The following PER2 variants were observed in gnomAD, a reference collection of about 807,000 sequenced individuals.
PER2 encodes the protein period circadian protein homolog 2.
PER2 carries 66 observed loss-of-function variants against 121.0 expected under a neutral mutation model. The ratio of observed to expected loss-of-function variants is 0.55; its 90% CI spans 0.45 to 0.67. The LOEUF (loss-of-function observed/expected upper bound fraction) is 0.67, where lower values mean the gene tolerates loss of function less well. Ranked by LOEUF, PER2 falls within the 30% of genes least tolerant of loss-of-function variation. PER2 has a pLI of 0.00. For synonymous variants in PER2, 684 were observed against 659.9 expected (o/e 1.04, Z -0.56); for missense variants, 1,521 against 1,635.0 (o/e 0.93, Z 1.20).
At chr2:238,248,661 T>C (rs1695510848) in intron 22 of PER2, among the ~76,000 whole-genome samples, 1 of 150,920 alleles carries the variant, frequency 6.6e-6, no homozygotes, top group African/African-American at 2.4e-5. Context: ...TAGAAATTTT[T>C]TTTTTTTTTT....
intron 4 of PER2, among the ~76,000 whole-genome samples, chr2:238,274,125 A>C (rs1696379320): frequency 6.6e-6 from 1 of 152,244 alleles, no homozygotes; most frequent in Non-Finnish European, 1.5e-5. Flanking sequence ...ATTTGAAAGA[A>C]AGTTTTCAAA....
intron 21 of PER2, 81 bp downstream of exon 21, chr2:238,250,470 G>A: frequency 1.0e-6 from 1 of 999,186 alleles, no homozygotes; most frequent in Admixed American, 1.9e-5. Context: ...CGCCCCATCT[G>A]AATGACCTTG....
chr2:238,277,722 G>T lies in PER2; in HGVS notation c.215C>A (p.Pro72Gln), dbSNP rs142033533. The T allele has an allele frequency of 6.2e-7, 1 of 1,614,124 alleles. No homozygotes were observed. Among genetic ancestry groups the T allele is most frequent in the Non-Finnish European group, 8.5e-7 (1 of 1,180,016 alleles). The part of the protein sequence containing the change: ...GKELGMLVEP[P>Q]DARQSPDTFS... ...CTGAACTCACCTCTGGCGGGCATCC[G>T]GTGGCTCCACCAGCATCCCCAGCTC... Residue 72 changes from proline (P) to glutamine (Q), a missense_variant, in exon 2 of 23, where the codon CCG becomes CAG. By Grantham distance (76) the Pro-to-Gln change is moderately conservative. Transcript: ENST00000254657.
chr2:238,260,439 A>G (rs1039872635), intron 13 of PER2, among the ~76,000 whole-genome samples: 1 of 152,066 alleles, frequency 6.6e-6, no homozygotes, highest in Non-Finnish European at 1.5e-5. Context: ...TATTTTTAGT[A>G]GAGACGGGGT....
intron 1 of PER2, among the ~76,000 whole-genome samples, chr2:238,279,620 G>A (rs1468880505): frequency 6.6e-6 from 1 of 152,208 alleles, no homozygotes; most frequent in African/African-American, 2.4e-5. Context: ...AACAAAGGGA[G>A]AGAAGGGTTT....
chr2:238,246,550 A>G (rs770815333), intron 22 of PER2, 26 bp from the exon 23 acceptor site: 1 of 1,509,310 alleles, frequency 6.6e-7, no homozygotes, highest in Non-Finnish European at 9.2e-7. Context: ...AAGAGAAATC[A>G]GTAACAAACT....
intron 4 of PER2, among the ~76,000 whole-genome samples, chr2:238,274,533 T>C (rs1299145537): frequency 6.6e-6 from 1 of 152,226 alleles, no homozygotes; most frequent in African/African-American, 2.4e-5. Flanking sequence ...AAAATGTCCA[T>C]GTGGCAGAGC....
At position 238,277,696 on chromosome 2, in the gene PER2, G is replaced by T. The variant is rs77542681; in HGVS notation, c.230+11C>A. ...CTGCCCAGCCTCCATCTGGCCAGAGGCTGAACTCACCTCTGGCGGGCATCC... is the reference window on the plus strand; with the variant it reads ...CTGCCCAGCCTCCATCTGGCCAGAGTCTGAACTCACCTCTGGCGGGCATCC... On this transcript the variant is annotated intron_variant, in intron 2 of 22. Transcript: ENST00000254657. 3,093 of 1,613,940 alleles carry T rather than the reference G, an allele frequency of 1.9e-3. 10 individuals are homozygous for T. Among genetic ancestry groups the T allele is most frequent in the Non-Finnish European group, 2.2e-3 (2,600 of 1,179,998 alleles).
In PER2 at chr2:238,260,842, G is replaced by C; in HGVS notation, c.1528C>G (p.Arg510Gly). The change falls in exon 13 of 23, where the codon CGC (arginine) becomes GGC (glycine). Residue 510 changes from arginine to glycine, a missense_variant. By Grantham distance (125) the Arg-to-Gly change is moderately radical (BLOSUM62 -2). Coordinates refer to ENST00000254657, the MANE Select transcript of PER2 (RefSeq NM_022817.3). Reference protein sequence around the residue: ...SSDSNGHEDSRRRRAEICKNG... With the variant: ...SSDSNGHEDSGRRRAEICKNG... ...AGGAGACGTACGGCTCTCCTCCGGC[G>C]TGAGTCCTCATGGCCGTTGCTGTCG... 2 of 1,614,132 alleles carry C rather than the reference G, an allele frequency of 1.2e-6. No individual in the cohort carries two copies. Among genetic ancestry groups the C allele is most frequent in the Non-Finnish European group, 1.7e-6 (2 of 1,180,016 alleles).
Position 238,253,651 on chromosome 2 carries a change from G to GC in PER2, c.2371_2372insG (p.Thr791SerfsTer19). 12 of 1,609,156 alleles carry GC rather than the reference G, an allele frequency of 7.5e-6. No individual in the cohort carries two copies. Among genetic ancestry groups the GC allele is most frequent in the Non-Finnish European group, 1.0e-5 (12 of 1,177,492 alleles). On this transcript the variant is annotated frameshift_variant, in exon 19 of 23. Transcript: ENST00000254657. LOFTEE classifies it high-confidence loss of function. The surrounding 1 kb of genome is among the most constrained non-coding windows in gnomAD (Gnocchi z 5.6). ...GGACTTCAATTTTCTGTTCTTTCCTGTTTTTTTCCAAGGTGAATCTATTCC... is the reference window on the plus strand; with the variant it reads ...GGACTTCAATTTTCTGTTCTTTCCTGCTTTTTTTCCAAGGTGAATCTATTCC...
At chr2:238,283,147 AAGG>A (rs999068065) in intron 1 of PER2, among the ~76,000 whole-genome samples, 1 of 152,216 alleles carries the variant, frequency 6.6e-6, no homozygotes, top group African/African-American at 2.4e-5. Flanking sequence ...GACAGGAGGC[AAGG>A]AGGAGCTGGC....
At chr2:238,257,140 C>G in intron 16 of PER2, 54 bp from the exon 17 acceptor site, 2 of 1,551,432 alleles carry the variant, frequency 1.3e-6, no homozygotes, top group Non-Finnish European at 1.8e-6. Context: ...ATGCACTGTG[C>G]AGATGAGAAA....
At chr2:238,279,182 A>C (rs1696552733) in intron 1 of PER2, among the ~76,000 whole-genome samples, 1 of 152,258 alleles carries the variant, frequency 6.6e-6, no homozygotes, top group African/African-American at 2.4e-5. Context: ...CCCAGCAGGA[A>C]GCAGGCACCC....
At position 238,260,056 on chromosome 2, in the gene PER2, T is replaced by G. The variant is rs745916707; in HGVS notation, c.1543-3A>C. 1 of 1,354,322 alleles carries G rather than the reference T, an allele frequency of 7.4e-7. No individual in the cohort carries two copies. Among genetic ancestry groups the G allele is most frequent in the African/African-American group, 1.4e-5 (1 of 69,986 alleles). 83.9% of individuals were successfully genotyped at this position (1,354,322 alleles called of 1,614,324 possible). ...TTGTTACCATTTTTACAAATTTCCT[T>G]GAAGAAAAACAAAATGAACACATTA... On this transcript the variant is annotated splice_polypyrimidine_tract_variant and splice_region_variant and intron_variant, in intron 13 of 22. Coordinates refer to ENST00000254657, the MANE Select transcript of PER2 (RefSeq NM_022817.3).
chr2:238,270,106 T>C (rs923363733), intron 6 of PER2, among the ~76,000 whole-genome samples: 2 of 152,252 alleles, frequency 1.3e-5, no homozygotes, highest in African/African-American at 4.8e-5. Flanking sequence ...AAACCGAATT[T>C]GTCAGCCTCT....
At chr2:238,261,554 G>T in intron 12 of PER2, 175 bp downstream of exon 12, 1 of 652,330 alleles carries the variant, frequency 1.5e-6, no homozygotes, top group South Asian at 1.7e-5. Context: ...AGGGTACTAT[G>T]GACTGTCTCG....
upstream of PER2, among the ~76,000 whole-genome samples, chr2:238,294,373 C>T (rs986984644): frequency 1.3e-5 from 2 of 152,188 alleles, no homozygotes; most frequent in African/African-American, 4.8e-5. Context: ...CTTGCATGCT[C>T]TGGGGACCAA....
chr2:238,258,795 G>A (rs1695839926), intron 14 of PER2, 151 bp from the exon 15 acceptor site: 1 of 816,594 alleles, frequency 1.2e-6, no homozygotes, highest in South Asian at 1.5e-5. Flanking sequence ...CCTGGCATCT[G>A]GCAGCCCTGT....
At chr2:238,263,409 A>G (rs942666360) in intron 9 of PER2, among the ~76,000 whole-genome samples, 11 of 152,060 alleles carry the variant, frequency 7.2e-5, no homozygotes, top group African/African-American at 2.7e-4. Context: ...GTGACCTGGC[A>G]TGGATTTTTG....
Sources: gnomAD v4.1 joint callset for allele counts (sites outside exome capture counted in the v4.1 genomes callset) on GRCh38, gnomAD v4.1.1 for gene constraint, Gnocchi (gnomAD v3.1) non-coding constraint, MANE v1.5 for transcripts, NCBI Gene and HGNC (gene_info 2026-07-23, HGNC 2026-07-21) for gene names.